Variants in MBNL2 observed in about 807,000 individuals in gnomAD.
MBNL2 encodes muscleblind-like protein 2.
In MBNL2, 17 loss-of-function variants were observed where a neutral mutation model predicts 41.9. The observed-to-expected ratio is 0.41, with a 90% confidence interval of 0.28 to 0.61. The LOEUF is 0.61. Among genes scored for constraint, MBNL2 ranks in the 20% least tolerant of loss-of-function variants. The probability of loss-of-function intolerance (pLI) is 0.35; values close to 1 mark genes in which losing one functional copy is unlikely to be tolerated. For synonymous variants in MBNL2, 195 were observed against 182.9 expected (o/e 1.07, Z -0.53); for missense variants, 336 against 505.6 (o/e 0.66, Z 3.22).
chr13:97,391,907 G>A lies in MBNL2; in HGVS notation c.*458G>A. The stretch of plus-strand genomic sequence containing the variant: ...AGTAAAACCGATACCTGTCCTGCAG[G>A]TCTAAAATTTGAATGGAAATTCAAG... On this transcript the variant is annotated 3_prime_UTR_variant, in exon 9 of 9. Transcript: ENST00000679496. 6.4e-6 allele frequency: 1 copy of A among 156,582 alleles called. No homozygotes were observed. The highest frequency in any genetic ancestry group is 1.4e-5 in the Non-Finnish European group (1 of 70,986). 9.7% of individuals were successfully genotyped at this position (156,582 alleles called of 1,614,324 possible). A position where few individuals can be genotyped will look rare whatever the true frequency, so the allele number is the denominator to read the frequency against.
the MBNL2 span, among the ~76,000 whole-genome samples, chr13:97,143,971 G>A: frequency 3.3e-5 from 5 of 152,208 alleles, 1 homozygote; most frequent in South Asian, 4.1e-4. Flanking sequence ...AGCCTCCCGA[G>A]TAGCTGGGAT....
intron 1 of MBNL2, among the ~76,000 whole-genome samples, chr13:97,242,927 C>A (rs7991817): frequency 0.62 from 94,032 of 152,048 alleles, 29,144 homozygotes; most frequent in Admixed American, 0.65. Context: ...AAAATGAAAG[C>A]CGACTGAGCA....
the MBNL2 span, among the ~76,000 whole-genome samples, chr13:97,153,325 G>A: frequency 6.6e-6 from 1 of 152,060 alleles, no homozygotes; most frequent in African/African-American, 2.4e-5. Context: ...GTGTGAGTGT[G>A]TGTGTGTGTG....
chr13:97,272,497 T>G (rs1452092891), intron 1 of MBNL2, among the ~76,000 whole-genome samples: 1 of 152,222 alleles, frequency 6.6e-6, no homozygotes, highest in Non-Finnish European at 1.5e-5. Context: ...TGCAATTGCT[T>G]TTGGTCATGA....
the MBNL2 span, among the ~76,000 whole-genome samples, chr13:97,156,708 A>G: frequency 6.8e-6 from 1 of 147,996 alleles, no homozygotes; most frequent in Non-Finnish European, 1.5e-5. Context: ...ATAGTTGTAG[A>G]TATGCGGCGT....
chr13:97,203,648 A>G, the MBNL2 span, among the ~76,000 whole-genome samples: 5 of 152,160 alleles, frequency 3.3e-5, no homozygotes, highest in Non-Finnish European at 5.9e-5. Flanking sequence ...GATACCGTCA[A>G]GCACCGCCTG....
upstream of MBNL2, among the ~76,000 whole-genome samples, chr13:97,222,132 C>T (rs1468922228): frequency 6.6e-6 from 1 of 152,170 alleles, no homozygotes; most frequent in Non-Finnish European, 1.5e-5. Flanking sequence ...GCTATGATTG[C>T]TTTCTTCTGA....
At chr13:97,155,846 G>A in the MBNL2 span, among the ~76,000 whole-genome samples, 23 of 148,764 alleles carry the variant, frequency 1.5e-4, no homozygotes, top group East Asian at 4.0e-3. Flanking sequence ...GAATAATGCC[G>A]CAATAAACAT....
intron 2 of MBNL2, among the ~76,000 whole-genome samples, chr13:97,305,595 C>T (rs542443737): frequency 1.9e-4 from 24 of 129,202 alleles, no homozygotes; most frequent in African/African-American, 5.9e-4. Flanking sequence ...GAAACTCCAC[C>T]TGTACAAAAA....
chr13:97,184,547 A>G, the MBNL2 span, among the ~76,000 whole-genome samples: 2 of 152,218 alleles, frequency 1.3e-5, no homozygotes, highest in East Asian at 3.9e-4. Flanking sequence ...TCCAGGCATG[A>G]TCTTGGCTCA....
rs1333459778 is a variant in MBNL2, at chr13:97,268,504, C to T, written c.-604-7128C>T. 6.6e-6 allele frequency among the ~76,000 whole-genome samples: 1 copy of T among 152,324 alleles called. No individual in the cohort carries two copies. Among genetic ancestry groups the T allele is most frequent in the African/African-American group, 2.4e-5 (1 of 41,586 alleles). ...CTAAAGATCTGGGCATTGAGGCTCA[C>T]GGTGTGCATCCCTGGGGCAGCTCCC... On this transcript the variant is annotated intron_variant, in intron 1 of 8. Transcript: ENST00000679496. This position sits in a 1 kb window ranked among gnomAD's most constrained non-coding sequence, Gnocchi z 4.6.
At chr13:97,314,819 G>A (rs1033459828) in intron 2 of MBNL2, among the ~76,000 whole-genome samples, 6 of 152,170 alleles carry the variant, frequency 3.9e-5, no homozygotes, top group Non-Finnish European at 8.8e-5. Flanking sequence ...AGCTAAGTGA[G>A]AATCCTGGCT....
intron 2 of MBNL2, among the ~76,000 whole-genome samples, chr13:97,281,741 A>G (rs568461242): frequency 6.6e-6 from 1 of 152,368 alleles, no homozygotes; most frequent in South Asian, 2.1e-4. Flanking sequence ...CATTGTAGTA[A>G]CATAGAGCCT....
intron 2 of MBNL2, among the ~76,000 whole-genome samples, chr13:97,291,231 G>T (rs769428408): frequency 2.0e-5 from 3 of 151,872 alleles, no homozygotes; most frequent in Admixed American, 6.6e-5. Context: ...TATGTTTTGA[G>T]GTAGAATTAT....
intron 1 of MBNL2, among the ~76,000 whole-genome samples, chr13:97,252,711 T>A (rs1230220561): frequency 6.6e-6 from 1 of 152,204 alleles, no homozygotes; most frequent in East Asian, 1.9e-4. Context: ...CATTTAATTT[T>A]ATTTAGTTAT....
intron 2 of MBNL2, among the ~76,000 whole-genome samples, chr13:97,324,956 T>C (rs1411028050): frequency 6.6e-6 from 1 of 152,184 alleles, no homozygotes; most frequent in East Asian, 1.9e-4. Flanking sequence ...CCCACCCAGA[T>C]TGAGGGTGGG....
chr13:97,230,191 G>A (rs1331877805), intron 1 of MBNL2, among the ~76,000 whole-genome samples: 6 of 152,192 alleles, frequency 3.9e-5, no homozygotes, highest in Non-Finnish European at 8.8e-5. Flanking sequence ...CCAGCTACTC[G>A]GGAGGCTGAG....
chr13:97,216,240 G>A, the MBNL2 span, among the ~76,000 whole-genome samples: 12 of 151,828 alleles, frequency 7.9e-5, no homozygotes, highest in East Asian at 1.9e-4. Flanking sequence ...TAATCTCTTC[G>A]AAAGTATGTA....
intron 2 of MBNL2, among the ~76,000 whole-genome samples, chr13:97,305,422 T>C (rs997647400): frequency 2.0e-5 from 3 of 152,118 alleles, no homozygotes; most frequent in Non-Finnish European, 4.4e-5. Context: ...CAATATTAGA[T>C]TGATGTAATT....
Sources: allele counts gnomAD v4.1 joint callset (sites outside exome capture counted in the v4.1 genomes callset), GRCh38; gene constraint gnomAD v4.1.1; non-coding constraint Gnocchi (gnomAD v3.1); transcripts MANE v1.5; gene names NCBI Gene and HGNC (gene_info 2026-07-23, HGNC 2026-07-21).